PTPRD: variants seen among roughly 807,000 people sequenced by gnomAD.
PTPRD encodes protein tyrosine phosphatase receptor type D.
Under a neutral mutation model 214.5 loss-of-function variants are expected in PTPRD, and 34 were observed. That is an observed-to-expected ratio of 0.16 (90% confidence interval 0.12 to 0.21). PTPRD has a LOEUF of 0.21. Among genes scored for constraint, PTPRD ranks in the 10% least tolerant of loss-of-function variants. PTPRD has a pLI of 1.00. For missense variants in PTPRD, 2,545 were observed against 2,398.7 expected, an observed-to-expected ratio of 1.06 and a Z score of -1.27; for synonymous variants, 1,128 against 845.7, an observed-to-expected ratio of 1.33 and a Z score of -5.79.
intron 19 of PTPRD, 109 bp downstream of exon 19, chr9:8,523,404 T>G: frequency 1.5e-6 from 2 of 1,337,514 alleles, no homozygotes; most frequent in Non-Finnish European, 2.1e-6. Context: ...AAACATACCA[T>G]TAACCAAAAG....
intron 5 of PTPRD, among the ~76,000 whole-genome samples, chr9:9,914,303 C>T (rs73402621): frequency 3.7e-4 from 56 of 152,132 alleles, no homozygotes; most frequent in Non-Finnish European, 7.4e-4. Context: ...CTGCAGTCAG[C>T]GTTTGAGAAA....
intron 7 of PTPRD, among the ~76,000 whole-genome samples, chr9:9,726,925 G>A (rs1249992029): frequency 6.6e-6 from 1 of 152,086 alleles, no homozygotes; most frequent in Non-Finnish European, 1.5e-5. Context: ...AGTACCCAAG[G>A]TTTTGTTAAA....
intron 10 of PTPRD, among the ~76,000 whole-genome samples, chr9:9,074,164 T>C (rs2099747700): frequency 6.6e-6 from 1 of 152,166 alleles, no homozygotes; most frequent in South Asian, 2.1e-4. Context: ...AAGCCACTTA[T>C]TTTGACAGTG....
At position 9,692,888 on chromosome 9, in the gene PTPRD, T is replaced by C. The variant is rs114654395; in HGVS notation, c.-287+41645A>G. ...AGGTATTTAATTTTATTTGTGGCTA[T>C]TGTAAATGAGATTAATTTTTATTTC... On this transcript the variant is annotated intron_variant, in intron 7 of 45. Coordinates refer to ENST00000381196, the MANE Select transcript of PTPRD (RefSeq NM_002839.4). Among the ~76,000 whole-genome samples the C allele has an allele frequency of 2.6e-3, 398 of 152,124 alleles. 1 individual carries two copies. The highest frequency in any genetic ancestry group is 7.8e-3 in the African/African-American group (325 of 41,464).
intron 4 of PTPRD, among the ~76,000 whole-genome samples, chr9:10,017,030 T>C (rs2096732556): frequency 1.3e-5 from 2 of 152,166 alleles, no homozygotes; most frequent in Non-Finnish European, 2.9e-5. Context: ...TGAAACACCT[T>C]TAGTCTCATA....
intron 12 of PTPRD, among the ~76,000 whole-genome samples, chr9:8,679,391 G>C (rs1346591354): frequency 6.6e-6 from 1 of 152,160 alleles, no homozygotes; most frequent in Non-Finnish European, 1.5e-5. Context: ...AAAAATGTGT[G>C]ATCCTTGATG....
At chr9:9,675,921 C>T (rs920045418) in intron 7 of PTPRD, among the ~76,000 whole-genome samples, 1 of 151,936 alleles carries the variant, frequency 6.6e-6, no homozygotes, top group Admixed American at 6.6e-5. Context: ...AAATTCCAAT[C>T]AAAATATTAA....
intron 10 of PTPRD, among the ~76,000 whole-genome samples, chr9:9,178,388 CTTCT>C (rs977507850): frequency 2.7e-5 from 4 of 148,144 alleles, no homozygotes; most frequent in Non-Finnish European, 4.5e-5. Flanking sequence ...TTTTTCTTTC[CTTCT>C]TTCTATCAAA....
intron 13 of PTPRD, among the ~76,000 whole-genome samples, chr9:8,635,831 C>A (rs560720618): frequency 6.6e-6 from 1 of 152,036 alleles, no homozygotes; most frequent in Non-Finnish European, 1.5e-5. Context: ...CTATTGTGTG[C>A]CCATAATCTG....
chr9:8,964,396 T>C (rs1588979549), intron 11 of PTPRD, among the ~76,000 whole-genome samples: 2 of 151,710 alleles, frequency 1.3e-5, no homozygotes, highest in East Asian at 1.9e-4. Context: ...GTGGGATCAG[T>C]TGTAATGTCA....
chr9:8,540,628 ATTAAC>A (rs1227349362), intron 14 of PTPRD, among the ~76,000 whole-genome samples: 1 of 152,196 alleles, frequency 6.6e-6, no homozygotes, highest in Non-Finnish European at 1.5e-5. Flanking sequence ...TTAAAACATA[ATTAAC>A]TTAGAATAGC....
At chr9:9,607,744 G>T (rs1382774703) in intron 7 of PTPRD, among the ~76,000 whole-genome samples, 4 of 112,512 alleles carry the variant, frequency 3.6e-5, no homozygotes, top group African/African-American at 1.4e-4. Flanking sequence ...TAGACTGTTA[G>T]TAAAAAAAAA....
At chr9:8,919,185 GAGTTCA>G (rs2098807599) in intron 11 of PTPRD, among the ~76,000 whole-genome samples, 1 of 152,060 alleles carries the variant, frequency 6.6e-6, no homozygotes, top group South Asian at 2.1e-4. Flanking sequence ...CCGAGGTCAG[GAGTTCA>G]AGACCAGCCT....
intron 8 of PTPRD, among the ~76,000 whole-genome samples, chr9:9,552,225 C>T (rs1293586004): frequency 2.6e-5 from 4 of 151,914 alleles, no homozygotes; most frequent in African/African-American, 9.7e-5. Flanking sequence ...TCCATTATTC[C>T]ACGCCATCTC....
intron 5 of PTPRD, among the ~76,000 whole-genome samples, chr9:9,828,365 G>A (rs2053671028): frequency 6.6e-6 from 1 of 152,110 alleles, no homozygotes; most frequent in African/African-American, 2.4e-5. Flanking sequence ...GGACATGGAT[G>A]AAACTGGAAA....
chr9:8,557,449 T>TACAC (rs1047249445), intron 14 of PTPRD, among the ~76,000 whole-genome samples: 7,471 of 135,522 alleles, frequency 0.055, 1,299 homozygotes, highest in African/African-American at 0.25. Flanking sequence ...TATATATATA[T>TACAC]ATATATATTT....
At chr9:9,076,927 A>T (rs532973963) in intron 10 of PTPRD, among the ~76,000 whole-genome samples, 17 of 152,028 alleles carry the variant, frequency 1.1e-4, no homozygotes, top group African/African-American at 3.9e-4. Flanking sequence ...CCAACAGTGT[A>T]CAAGGGTTCC....
chr9:8,568,278 T>C (rs1292414209), intron 14 of PTPRD, among the ~76,000 whole-genome samples: 1 of 152,102 alleles, frequency 6.6e-6, no homozygotes, highest in Admixed American at 6.6e-5. Context: ...TCAAAGACAT[T>C]AAACCAGGAC....
At chr9:10,559,600 CT>C (rs1307104545) in intron 2 of PTPRD, among the ~76,000 whole-genome samples, 1 of 152,050 alleles carries the variant, frequency 6.6e-6, no homozygotes, top group African/African-American at 2.4e-5. Context: ...GCAAAAGAAG[CT>C]ACCATCAGAG....
Sources: gnomAD v4.1 joint callset for allele counts (sites outside exome capture counted in the v4.1 genomes callset) on GRCh38, gnomAD v4.1.1 for gene constraint, MANE v1.5 for transcripts, NCBI Gene and HGNC (gene_info 2026-07-23, HGNC 2026-07-21) for gene names.